YARS1: variants seen among roughly 807,000 people sequenced by gnomAD.
The protein encoded by YARS1 is tyrosyl-tRNA synthetase 1, also known as tyrosine--tRNA ligase, cytoplasmic.
A neutral mutation model predicts 62.2 loss-of-function variants in YARS1; 36 were observed. The ratio of observed to expected loss-of-function variants is 0.58; its 90% confidence interval spans 0.44 to 0.76. The LOEUF is 0.76. Ranked by LOEUF, YARS1 falls within the 30% of genes least tolerant of loss-of-function variation. The probability of loss-of-function intolerance (pLI) is 0.00; values close to 1 mark genes in which losing one functional copy is unlikely to be tolerated. For missense variants in YARS1, 524 were observed against 639.8 expected (o/e 0.82, Z 1.95); for synonymous variants, 234 against 244.9 (o/e 0.96, Z 0.42).
chr1:32,805,460 A>G (rs1164045506), intron 4 of YARS1, among the ~76,000 whole-genome samples: 5 of 152,152 alleles, frequency 3.3e-5, no homozygotes, highest in Admixed American at 2.0e-4. Context: ...AGAGCACTAC[A>G]ATCTTCTCTA....
intron 4 of YARS1, 102 bp downstream of exon 4, chr1:32,806,380 C>G (rs1638467034): frequency 1.3e-6 from 2 of 1,589,354 alleles, no homozygotes; most frequent in South Asian, 1.1e-5. Flanking sequence ...TTGTAAAAAA[C>G]ACAATATCTG....
At position 32,779,509 on chromosome 1, in the gene YARS1, C is replaced by A. The variant is rs147005844; in HGVS notation, c.1349G>T (p.Arg450Leu). 1 of 1,614,148 alleles carries A rather than the reference C, an allele frequency of 6.2e-7. No individual in the cohort carries two copies. Among genetic ancestry groups the A allele is most frequent in the Admixed American group, 1.7e-5 (1 of 60,018 alleles). ...LLCASIEGIN[R>L]QVEPLDPPAG... ...CGGAGGGTCCAGAGGTTCAACCTGGCGGTTTATCCCTTCTCTGGGAAGACA... is the reference window on the plus strand; with the variant it reads ...CGGAGGGTCCAGAGGTTCAACCTGGAGGTTTATCCCTTCTCTGGGAAGACA... The change falls in exon 12 of 13, where the codon CGC (arginine) becomes CTC (leucine). Residue 450 changes from arginine to leucine, a missense_variant. Arg to Leu is a moderately radical substitution (Grantham distance 102, BLOSUM62 -2). Transcript: ENST00000373477.
intron 3 of YARS1, among the ~76,000 whole-genome samples, chr1:32,807,675 C>T (rs1638493939): frequency 6.6e-6 from 1 of 152,020 alleles, no homozygotes; most frequent in African/African-American, 2.4e-5. Flanking sequence ...CCAGGCTGGT[C>T]TGGAACTGCT....
intron 3 of YARS1, among the ~76,000 whole-genome samples, chr1:32,806,928 A>G (rs2148615113): frequency 6.6e-6 from 1 of 152,342 alleles, no homozygotes; most frequent in Non-Finnish European, 1.5e-5. Flanking sequence ...ACAAACCTGC[A>G]CATGCACCCC....
At chr1:32,780,000 G>C in intron 11 of YARS1, 85 bp downstream of exon 11, 1 of 1,489,984 alleles carries the variant, frequency 6.7e-7, no homozygotes, top group Admixed American at 1.7e-5. Context: ...CTTCCACCTG[G>C]TGTGTGGAAG....
chr1:32,780,375 C>G, intron 10 of YARS1, 97 bp from the exon 11 acceptor site: 3 of 1,444,776 alleles, frequency 2.1e-6, no homozygotes, highest in Non-Finnish European at 2.9e-6. Context: ...CCACTCCTTA[C>G]AGAGGCCCCT....
Position 32,779,460 on chromosome 1 carries a change from G to C in YARS1, c.1398C>G (p.His466Gln), listed in dbSNP as rs774409054. 6.2e-7 allele frequency: 1 copy of C among 1,614,160 alleles called. No homozygotes were observed. Among genetic ancestry groups the C allele is most frequent in the South Asian group, 1.1e-5 (1 of 91,090 alleles). Reference sequence around the variant, plus strand: ...CCTTTTCATAGCCCTTCACAAACACGTGCTCACCAGGAGCAGAGCCTGCCG... The same window carrying C: ...CCTTTTCATAGCCCTTCACAAACACCTGCTCACCAGGAGCAGAGCCTGCCG... ...DPPAGSAPGE[H>Q]VFVKGYEKGQ... is the part of the protein sequence containing the mutation. The change falls in exon 12 of 13, where the codon CAC becomes CAG. Residue 466 changes from histidine to glutamine, a missense_variant. Physicochemically the swap from His to Gln is conservative, Grantham distance 24. Coordinates refer to ENST00000373477, the MANE Select transcript of YARS1 (RefSeq NM_003680.4).
chr1:32,799,544 T>A (rs1336450283), intron 4 of YARS1, among the ~76,000 whole-genome samples: 1 of 152,126 alleles, frequency 6.6e-6, no homozygotes, highest in Non-Finnish European at 1.5e-5. Context: ...GTAGAATCGA[T>A]AAGATTTAGT....
intron 6 of YARS1, among the ~76,000 whole-genome samples, chr1:32,789,551 A>ACC (rs938923170): frequency 2.0e-5 from 3 of 151,638 alleles, no homozygotes; most frequent in African/African-American, 7.3e-5. Flanking sequence ...TTCCACCCAA[A>ACC]CCTAATGAAT....
intron 6 of YARS1, among the ~76,000 whole-genome samples, chr1:32,789,510 T>C (rs887362651): frequency 1.3e-5 from 2 of 152,208 alleles, no homozygotes; most frequent in Admixed American, 1.3e-4. Context: ...CTAGCTCACA[T>C]GTGACAGTAT....
intron 6 of YARS1, among the ~76,000 whole-genome samples, chr1:32,787,666 C>T (rs1354607370): frequency 6.6e-6 from 1 of 152,056 alleles, no homozygotes. Context: ...CCTGTCACCA[C>T]GCCCAGCTAA....
intron 5 of YARS1, among the ~76,000 whole-genome samples, chr1:32,792,347 A>C (rs1490244294): frequency 6.6e-6 from 1 of 152,180 alleles, no homozygotes; most frequent in Non-Finnish European, 1.5e-5. Flanking sequence ...CCTAAAACCA[A>C]CCCCTGACAG....
In YARS1 at chr1:32,817,358, T is replaced by C; in HGVS notation, c.-114A>G. The C allele has an allele frequency of 3.6e-6, 5 of 1,379,874 alleles. No individual in the cohort carries two copies. Among genetic ancestry groups the C allele is most frequent in the Non-Finnish European group, 4.1e-6 (4 of 984,728 alleles). The allele number at this position is 1,379,874 out of a possible 1,614,324, so 85.5% of individuals were successfully genotyped here. ...GCGAGTCCAGCCAGGTTGCATCAGC[T>C]GGGCTCGGCGCTCCGCTTACTCGGC... On this transcript the variant is annotated 5_prime_UTR_variant, in exon 1 of 13. Coordinates refer to ENST00000373477, the MANE Select transcript of YARS1 (RefSeq NM_003680.4).
At chr1:32,802,654 G>A (rs771861264) in intron 4 of YARS1, among the ~76,000 whole-genome samples, 5 of 152,148 alleles carry the variant, frequency 3.3e-5, no homozygotes, top group Non-Finnish European at 7.3e-5. Flanking sequence ...TAGGTGATCA[G>A]GTGCACTGTC....
At chr1:32,784,235 C>T (rs2148602461) in intron 8 of YARS1, among the ~76,000 whole-genome samples, 1 of 147,292 alleles carries the variant, frequency 6.8e-6, no homozygotes, top group East Asian at 2.0e-4. Flanking sequence ...GGCTAGTCTT[C>T]AACTCCTGAG....
chr1:32,810,894 A>G lies in YARS1; in HGVS notation c.204+17T>C. On this transcript the variant is annotated intron_variant, in intron 2 of 12. Coordinates refer to ENST00000373477, the MANE Select transcript of YARS1 (RefSeq NM_003680.4). Reference sequence around the variant, plus strand: ...CCCTTGGGTCATTCCCCAAGGGCTTATAGCATTAGTTCTTACCTCACACCC... The same window carrying G: ...CCCTTGGGTCATTCCCCAAGGGCTTGTAGCATTAGTTCTTACCTCACACCC... 6.2e-7 allele frequency: 1 copy of G among 1,614,130 alleles called. No individual in the cohort carries two copies. Among genetic ancestry groups the G allele is most frequent in the South Asian group, 1.1e-5 (1 of 91,086 alleles).
At chr1:32,777,128 C>A (rs1652890882) in intron 12 of YARS1, among the ~76,000 whole-genome samples, 2 of 151,434 alleles carry the variant, frequency 1.3e-5, no homozygotes, top group African/African-American at 4.8e-5. Flanking sequence ...CTCCCAGGTT[C>A]AAGCAATTCT....
At chr1:32,779,206 C>T (rs1204920263) in intron 12 of YARS1, among the ~76,000 whole-genome samples, 176 bp downstream of exon 12, 3 of 152,100 alleles carry the variant, frequency 2.0e-5, no homozygotes, top group Admixed American at 2.0e-4. Context: ...GGTCCTAAGA[C>T]CCCCATGCTC....
At chr1:32,816,930 G>A (rs1638757691) in intron 1 of YARS1, 2 of 595,644 alleles carry the variant, frequency 3.4e-6, no homozygotes, top group Non-Finnish European at 6.0e-6. Context: ...GGGGTGGAAT[G>A]GGAGTCCTGG....
Sources: allele counts gnomAD v4.1 joint callset (sites outside exome capture counted in the v4.1 genomes callset), GRCh38; gene constraint gnomAD v4.1.1; transcripts MANE v1.5; gene names NCBI Gene and HGNC (gene_info 2026-07-23, HGNC 2026-07-21).